The following CAP2 variants were observed in gnomAD, a reference collection of about 807,000 sequenced individuals.
The protein encoded by CAP2 is adenylyl cyclase-associated protein 2.
Under a neutral mutation model 57.7 loss-of-function variants are expected in CAP2, and 24 were observed. That is an observed-to-expected ratio of 0.42 (90% CI 0.30 to 0.58). CAP2 has a LOEUF of 0.58. Ranked by LOEUF, CAP2 falls within the 20% of genes least tolerant of loss-of-function variation. The pLI is 0.22. For missense variants in CAP2, 501 were observed against 590.3 expected (o/e 0.85, Z 1.57); for synonymous variants, 194 against 207.2 (o/e 0.94, Z 0.55).
At chr6:17,409,120 C>G (rs1430973288) in intron 1 of CAP2, among the ~76,000 whole-genome samples, 1 of 149,556 alleles carries the variant, frequency 6.7e-6, no homozygotes, top group African/African-American at 2.5e-5. Context: ...GCCTGTAATC[C>G]CAGCACTTTA....
At chr6:17,462,731 C>T (rs918501390) in intron 3 of CAP2, among the ~76,000 whole-genome samples, 1 of 152,138 alleles carries the variant, frequency 6.6e-6, no homozygotes, top group African/African-American at 2.4e-5. Flanking sequence ...GTGTCAGTAC[C>T]TTGTCTCTTT....
chr6:17,434,611 G>A (rs1259020740), intron 3 of CAP2, among the ~76,000 whole-genome samples: 8 of 152,266 alleles, frequency 5.3e-5, no homozygotes, highest in South Asian at 2.1e-4. Flanking sequence ...GTGTAGTAAC[G>A]TGTACTAATG....
At chr6:17,478,116 C>T (rs982576131) in intron 4 of CAP2, among the ~76,000 whole-genome samples, 1 of 150,378 alleles carries the variant, frequency 6.6e-6, no homozygotes, top group Admixed American at 6.6e-5. Context: ...GTATCTATTG[C>T]AATCCTATAA....
chr6:17,520,421 G>C (rs1056718147), intron 7 of CAP2, among the ~76,000 whole-genome samples: 2 of 152,102 alleles, frequency 1.3e-5, no homozygotes, highest in African/African-American at 4.8e-5. Context: ...CCCAGCCAAT[G>C]TAATTCTTAA....
At position 17,402,556 on chromosome 6, in the gene CAP2, C is replaced by G. The variant is rs554943050; in HGVS notation, c.-2+8810C>G. Among the ~76,000 whole-genome samples, 5 of 152,268 alleles carry G rather than the reference C, an allele frequency of 3.3e-5. No individual in the cohort carries two copies. In the South Asian group the frequency reaches 8.3e-4, roughly 25 times the overall value. Reference sequence around the variant, plus strand: ...TCTAAAAAAGAATGAAATTTTGACTCTCATACAAATAAAAAATAGACATTT... The same window carrying G: ...TCTAAAAAAGAATGAAATTTTGACTGTCATACAAATAAAAAATAGACATTT... On this transcript the variant is annotated intron_variant, in intron 1 of 12. Transcript: ENST00000229922.
intron 1 of CAP2, among the ~76,000 whole-genome samples, chr6:17,415,796 T>C (rs1033963654): frequency 6.6e-6 from 1 of 152,144 alleles, no homozygotes; most frequent in Non-Finnish European, 1.5e-5. Context: ...TCCAGGCACA[T>C]AGGTTGTTAT....
At chr6:17,529,241 GTTA>G (rs1327515168) in intron 7 of CAP2, among the ~76,000 whole-genome samples, 2 of 152,148 alleles carry the variant, frequency 1.3e-5, no homozygotes, top group Admixed American at 6.6e-5. Flanking sequence ...AAATTTGCAA[GTTA>G]TTATGGAAAT....
intron 7 of CAP2, 52 bp downstream of exon 7, chr6:17,514,006 T>G: frequency 1.9e-6 from 2 of 1,056,322 alleles, no homozygotes; most frequent in South Asian, 1.3e-5. Flanking sequence ...TGACTATATA[T>G]ACACCCTGTG....
rs573173322 is a variant in CAP2, at chr6:17,466,132, A to C, written c.300+3059A>C. Among the ~76,000 whole-genome samples the C allele has an allele frequency of 1.1e-4, 17 of 152,358 alleles. No homozygotes were observed. The Middle Eastern group carries it at 0.014, about 122-fold the overall frequency. On this transcript the variant is annotated intron_variant, in intron 4 of 12. Transcript: ENST00000229922. ...TGATCCACCCAGTATGCATTCTAGA[A>C]GATGCATCTTAAAGATCAGTATCAT...
intron 7 of CAP2, among the ~76,000 whole-genome samples, chr6:17,532,470 G>T (rs1451089760): frequency 1.3e-5 from 2 of 150,356 alleles, no homozygotes; most frequent in Non-Finnish European, 3.0e-5. Flanking sequence ...TTTAGGTAGG[G>T]TGCAGTGGCT....
At chr6:17,474,509 G>C (rs1231225087) in intron 4 of CAP2, among the ~76,000 whole-genome samples, 1 of 151,950 alleles carries the variant, frequency 6.6e-6, no homozygotes, top group African/African-American at 2.4e-5. Flanking sequence ...TATTTTTCAG[G>C]CTTTTCTTTC....
chr6:17,512,317 G>T (rs2113665615), intron 6 of CAP2, among the ~76,000 whole-genome samples: 1 of 151,972 alleles, frequency 6.6e-6, no homozygotes, highest in Admixed American at 6.6e-5. Flanking sequence ...GATCACTTGA[G>T]CCCAGGAGGT....
intron 4 of CAP2, among the ~76,000 whole-genome samples, chr6:17,493,089 T>C (rs756048870): frequency 3.3e-5 from 5 of 152,234 alleles, no homozygotes; most frequent in African/African-American, 7.2e-5. Flanking sequence ...CAAGATAAAC[T>C]ATTACCTTCT....
At chr6:17,518,015 T>C (rs752489972) in intron 7 of CAP2, among the ~76,000 whole-genome samples, 46 of 152,152 alleles carry the variant, frequency 3.0e-4, no homozygotes, top group Admixed American at 6.6e-4. Flanking sequence ...CTGTTATTTA[T>C]ATTATACATA....
intron 4 of CAP2, among the ~76,000 whole-genome samples, chr6:17,484,950 A>T (rs918054063): frequency 6.6e-6 from 1 of 152,186 alleles, no homozygotes; most frequent in Admixed American, 6.5e-5. Context: ...ATCATTCTTT[A>T]TAGGTAGAAT....
Position 17,539,448 on chromosome 6 carries a change from A to G in CAP2, c.816A>G (p.Ala272=), listed in dbSNP as rs1236149559. ...ALFAQLNQGE[A]ITKGLRHVTD... is the part of the protein sequence containing the mutation. ...TTGCCCAACTTAACCAGGGAGAAGC[A>G]ATTACAAAAGGTGAGAGAGAAAAGA... Residue 272 remains alanine (A), a synonymous_variant, in exon 8 of 13, where the codon GCA becomes GCG. Transcript: ENST00000229922. The G allele has an allele frequency of 1.2e-6, 2 of 1,613,564 alleles. No individual in the cohort carries two copies. Among genetic ancestry groups the G allele is most frequent in the Non-Finnish European group, 8.5e-7 (1 of 1,179,672 alleles).
chr6:17,445,862 C>A (rs1454621873), intron 3 of CAP2, among the ~76,000 whole-genome samples: 1 of 152,208 alleles, frequency 6.6e-6, no homozygotes, highest in African/African-American at 2.4e-5. Flanking sequence ...ACAGCACCGC[C>A]GCACGTGCTG....
At chr6:17,470,393 A>C (rs1413916900) in intron 4 of CAP2, among the ~76,000 whole-genome samples, 1 of 152,350 alleles carries the variant, frequency 6.6e-6, no homozygotes, top group East Asian at 1.9e-4. Flanking sequence ...TGACTAGAAA[A>C]GTTCATTATT....
At chr6:17,418,562 C>A (rs1759347887) in intron 1 of CAP2, among the ~76,000 whole-genome samples, 2 of 152,162 alleles carry the variant, frequency 1.3e-5, no homozygotes, top group Admixed American at 6.5e-5. Context: ...AGACGGCAGT[C>A]CTAAGTGTGA....
Sources: allele counts gnomAD v4.1 joint callset (sites outside exome capture counted in the v4.1 genomes callset), GRCh38; gene constraint gnomAD v4.1.1; transcripts MANE v1.5; gene names NCBI Gene and HGNC (gene_info 2026-07-23, HGNC 2026-07-21).